PTK7: variants seen among roughly 807,000 people sequenced by gnomAD.
PTK7 encodes the protein protein tyrosine kinase 7 (inactive).
PTK7 carries 39 observed loss-of-function variants against 116.6 expected under a neutral mutation model. The observed-to-expected ratio is 0.33, with a 90% CI of 0.26 to 0.44. PTK7 has a LOEUF of 0.44. PTK7 is among the 20% of genes least tolerant of loss of function. PTK7 has a pLI of 1.00. For synonymous variants in PTK7, 546 were observed against 563.6 expected, an observed-to-expected ratio of 0.97 and a Z score of 0.44; for missense variants, 1,169 against 1,425.6, an observed-to-expected ratio of 0.82 and a Z score of 2.90.
Position 43,077,988 on chromosome 6 carries a change from G to GT in PTK7, c.79+1428dup, listed in dbSNP as rs145002150. ...ATCTGCTCCCAGAGGAAGTATGGAA[G>GT]TTTTTTTGCACAGCCAGGATGGGGG... On this transcript the variant is annotated intron_variant, in intron 1 of 19. Coordinates refer to ENST00000230419, the MANE Select transcript of PTK7 (RefSeq NM_002821.5). 8.4e-3 allele frequency among the ~76,000 whole-genome samples: 1,285 copies of GT among 152,316 alleles called. 24 individuals carry two copies. The highest frequency in any genetic ancestry group is 0.029 in the African/African-American group (1,223 of 41,566).
chr6:43,145,441 T>G lies in PTK7; in HGVS notation c.2640+9T>G. 1 of 1,530,346 alleles carries G rather than the reference T, an allele frequency of 6.5e-7. No homozygotes were observed. The highest frequency in any genetic ancestry group is 8.9e-7 in the Non-Finnish European group (1 of 1,129,730). 94.8% of individuals were successfully genotyped at this position (1,530,346 alleles called of 1,614,324 possible). A position where few individuals can be genotyped will look rare whatever the true frequency, so the allele number is the denominator to read the frequency against. On this transcript the variant is annotated intron_variant, in intron 16 of 19. Coordinates refer to ENST00000230419, the MANE Select transcript of PTK7 (RefSeq NM_002821.5). The surrounding 1 kb of genome is among the most constrained non-coding windows in gnomAD (Gnocchi z 4.8). ...TGGAATATGTGGATCTGGTATGCTG[T>G]TGGCAGGGGACGTGGGGGTCTCGGG...
chr6:43,132,019 C>T lies in PTK7; in HGVS notation c.816C>T (p.Pro272=), dbSNP rs564569746. 42 of 1,614,064 alleles carry T rather than the reference C, an allele frequency of 2.6e-5. 1 individual carries two copies. The South Asian group carries it at 4.0e-4, about 15-fold the overall frequency. ...DETPITNRSR[P]PHLRRATVFA... is the part of the protein sequence containing the mutation. ...AATTGCACTCTCCCCTCTGCAGCCCCCCACACCTCCGCAGAGCCACAGTGT... is the reference window on the plus strand; with the variant it reads ...AATTGCACTCTCCCCTCTGCAGCCCTCCACACCTCCGCAGAGCCACAGTGT... Residue 272 remains proline (P), a synonymous_variant, in exon 6 of 20, where the codon CCC becomes CCT. Coordinates refer to ENST00000230419, the MANE Select transcript of PTK7 (RefSeq NM_002821.5).
Position 43,141,803 on chromosome 6 carries a change from A to G in PTK7, c.1754A>G (p.Gln585Arg), listed in dbSNP as rs1230671543. 6.2e-7 allele frequency: 1 copy of G among 1,613,838 alleles called. No individual in the cohort carries two copies. The highest frequency in any genetic ancestry group is 1.1e-5 in the South Asian group (1 of 91,080). ...GPQGQIRAHV[Q>R]LTVAVFITFK... ...CAGGGCCAGATTCGTGCCCATGTCC[A>G]GCTCACTGTGGCAGGTGCGACCGTG... Residue 585 changes from glutamine (Q) to arginine (R), a missense_variant, in exon 11 of 20, where the codon CAG (glutamine) becomes CGG (arginine). Gln to Arg is a conservative substitution (Grantham distance 43, BLOSUM62 1). This residue lies in a region of PTK7 where 678 missense variants were observed against 853.8 expected (regional missense o/e 0.79). Transcript: ENST00000230419. This position sits in a 1 kb window ranked among gnomAD's most constrained non-coding sequence, Gnocchi z 4.9.
chr6:43,087,273 C>A (rs924275403), intron 1 of PTK7, among the ~76,000 whole-genome samples: 1 of 152,224 alleles, frequency 6.6e-6, no homozygotes, highest in Admixed American at 6.5e-5. Flanking sequence ...TGCTGTCTTG[C>A]AGATACAGGC....
chr6:43,103,456 GGTGTGTGTGT>G, intron 1 of PTK7, among the ~76,000 whole-genome samples: 1 of 150,238 alleles, frequency 6.7e-6, no homozygotes, highest in East Asian at 2.0e-4. Context: ...GAGTATTACA[GGTGTGTGTGT>G]GTGTGTGTGT....
chr6:43,118,349 C>T (rs1768683970), intron 1 of PTK7, among the ~76,000 whole-genome samples: 1 of 151,920 alleles, frequency 6.6e-6, no homozygotes. Context: ...CCAGTCTGGC[C>T]AACATGGTGA....
intron 17 of PTK7, among the ~76,000 whole-genome samples, chr6:43,153,190 A>T (rs1295656600): frequency 6.6e-6 from 1 of 151,690 alleles, no homozygotes; most frequent in Non-Finnish European, 1.5e-5. Flanking sequence ...GGCTCACTGC[A>T]AGCTCTGCCT....
chr6:43,114,456 C>G (rs570626748), intron 1 of PTK7, among the ~76,000 whole-genome samples: 5 of 152,052 alleles, frequency 3.3e-5, no homozygotes, highest in African/African-American at 1.2e-4. Flanking sequence ...CCCTCTGTCT[C>G]TCTCCTGTCT....
chr6:43,159,657 A>G, intron 18 of PTK7, 131 bp from the exon 19 acceptor site: 1 of 908,040 alleles, frequency 1.1e-6, no homozygotes, highest in Non-Finnish European at 1.8e-6. Flanking sequence ...GCATGTGACC[A>G]ATTTCTTGAT....
chr6:43,097,909 G>T (rs1767348030), intron 1 of PTK7, among the ~76,000 whole-genome samples: 1 of 152,300 alleles, frequency 6.6e-6, no homozygotes, highest in Non-Finnish European at 1.5e-5. Flanking sequence ...GATCCAGTGG[G>T]TCAAAGTCTT....
At chr6:43,113,534 C>T (rs767422464) in intron 1 of PTK7, among the ~76,000 whole-genome samples, 1 of 152,172 alleles carries the variant, frequency 6.6e-6, no homozygotes, top group Non-Finnish European at 1.5e-5. Context: ...CCTTCTGGCC[C>T]TAGGCTCTTG....
At chr6:43,112,530 TTC>T (rs1044676867) in intron 1 of PTK7, among the ~76,000 whole-genome samples, 122 of 152,172 alleles carry the variant, frequency 8.0e-4, no homozygotes, top group African/African-American at 2.6e-3. Flanking sequence ...CAGTCTCCCC[TTC>T]TCTGCCTCTC....
chr6:43,147,603 C>T (rs1323783897), intron 17 of PTK7, among the ~76,000 whole-genome samples: 2 of 152,210 alleles, frequency 1.3e-5, no homozygotes, highest in Non-Finnish European at 1.5e-5. Flanking sequence ...TAGGCTGTCC[C>T]AGGTCACAGA....
chr6:43,104,126 G>C (rs1375396142), intron 1 of PTK7, among the ~76,000 whole-genome samples: 1 of 152,118 alleles, frequency 6.6e-6, no homozygotes, highest in African/African-American at 2.4e-5. Flanking sequence ...GAGGGTGAGT[G>C]CCACATGTAA....
intron 1 of PTK7, among the ~76,000 whole-genome samples, chr6:43,109,460 G>A (rs967998000): frequency 2.0e-5 from 3 of 152,018 alleles, no homozygotes; most frequent in Non-Finnish European, 4.4e-5. Flanking sequence ...TCCTGGAACT[G>A]GAATCAGCCA....
At chr6:43,142,920 G>A (rs773810388) in intron 13 of PTK7, 30 of 173,682 alleles carry the variant, frequency 1.7e-4, no homozygotes, top group Non-Finnish European at 2.9e-4. Context: ...GATCCTGCAT[G>A]GTCTCCCTTC....
chr6:43,123,686 G>A (rs1769102196), intron 1 of PTK7, among the ~76,000 whole-genome samples: 1 of 152,158 alleles, frequency 6.6e-6, no homozygotes, highest in Non-Finnish European at 1.5e-5. Context: ...CCAAGGAAAT[G>A]GCTTGGAAAA....
At position 43,139,588 on chromosome 6, in the gene PTK7, G is replaced by A; in HGVS notation, c.1618+63G>A. ...CAGTTCACTGATCAGATACATACCT[G>A]AGGGCTGCTGGGTGCCCCGCACTGT... On this transcript the variant is annotated intron_variant, in intron 10 of 19. Transcript: ENST00000230419. The surrounding 1 kb of genome is among the most constrained non-coding windows in gnomAD (Gnocchi z 4.6). 7.5e-6 allele frequency: 12 copies of A among 1,599,416 alleles called. No homozygotes were observed.
At chr6:43,110,066 G>A (rs1768109514) in intron 1 of PTK7, among the ~76,000 whole-genome samples, 1 of 137,308 alleles carries the variant, frequency 7.3e-6, no homozygotes, top group South Asian at 2.5e-4. Context: ...GCGTGATTTT[G>A]GCTCACAGCA....
Sources: allele counts gnomAD v4.1 joint callset (sites outside exome capture counted in the v4.1 genomes callset), GRCh38; gene constraint gnomAD v4.1.1; regional missense constraint gnomAD v4.1.1; non-coding constraint Gnocchi (gnomAD v3.1); transcripts MANE v1.5; gene names NCBI Gene and HGNC (gene_info 2026-07-23, HGNC 2026-07-21).